LINGO2: variants seen among roughly 807,000 people sequenced by gnomAD.
LINGO2 encodes the protein leucine rich repeat and Ig domain containing 2.
In LINGO2, 14 loss-of-function variants were observed where a neutral mutation model predicts 30.6. The ratio of observed to expected loss-of-function variants is 0.46; its 90% CI spans 0.30 to 0.72. The LOEUF is 0.72. LINGO2 is among the 30% of genes least tolerant of loss of function. The probability of loss-of-function intolerance (pLI) is 0.07; values close to 1 mark genes in which losing one functional copy is unlikely to be tolerated. For synonymous variants in LINGO2, 317 were observed against 288.5 expected (o/e 1.10, Z -1.00); for missense variants, 729 against 751.7 (o/e 0.97, Z 0.35).
At chr9:28,905,957 CAATGGT>C in the LINGO2 span, among the ~76,000 whole-genome samples, 10 of 152,004 alleles carry the variant, frequency 6.6e-5, no homozygotes, top group African/African-American at 2.4e-4. Context: ...TATATATAAA[CAATGGT>C]ATACTTTTAA....
chr9:28,780,149 C>T, the LINGO2 span, among the ~76,000 whole-genome samples: 2 of 151,964 alleles, frequency 1.3e-5, no homozygotes, highest in Non-Finnish European at 2.9e-5. Context: ...TAGAAGTGTT[C>T]AATATAAATT....
the LINGO2 span, among the ~76,000 whole-genome samples, chr9:29,175,917 C>T: frequency 1.2e-3 from 175 of 152,126 alleles, no homozygotes; most frequent in African/African-American, 4.0e-3. Context: ...ACTTATTTTT[C>T]ATGCTTAATT....
intron 3 of LINGO2, among the ~76,000 whole-genome samples, chr9:28,314,670 T>A (rs374738435): frequency 3.3e-5 from 5 of 152,226 alleles, no homozygotes; most frequent in African/African-American, 1.2e-4. Context: ...TTTACATACA[T>A]CAGTGGAAAC....
intron 2 of LINGO2, among the ~76,000 whole-genome samples, chr9:28,438,899 A>G (rs1015895042): frequency 8.5e-6 from 1 of 117,008 alleles, no homozygotes; most frequent in African/African-American, 3.4e-5. Flanking sequence ...ATATATATTT[A>G]TACATTATAT....
At chr9:28,249,482 GAAGA>G (rs1216899717) in intron 4 of LINGO2, among the ~76,000 whole-genome samples, 1 of 152,102 alleles carries the variant, frequency 6.6e-6, no homozygotes, top group Admixed American at 6.6e-5. Context: ...AATAAAAGTA[GAAGA>G]AAGAAAAGCA....
At chr9:28,376,087 CTTTTT>C (rs75147834) in intron 2 of LINGO2, among the ~76,000 whole-genome samples, 2 of 138,744 alleles carry the variant, frequency 1.4e-5, no homozygotes, top group Non-Finnish European at 3.1e-5. Context: ...ACTTTCCTTG[CTTTTT>C]TTTTTTTTTT....
chr9:28,111,175 G>T (rs1826770520), intron 4 of LINGO2, among the ~76,000 whole-genome samples: 1 of 152,218 alleles, frequency 6.6e-6, no homozygotes, highest in Non-Finnish European at 1.5e-5. Context: ...TCATAAGTGG[G>T]AGTCGAATAA....
At chr9:29,152,769 A>G in the LINGO2 span, among the ~76,000 whole-genome samples, 2 of 152,208 alleles carry the variant, frequency 1.3e-5, no homozygotes, top group Non-Finnish European at 2.9e-5. Context: ...GTAATCCTTC[A>G]CATGTACCCC....
chr9:29,057,242 T>C, the LINGO2 span, among the ~76,000 whole-genome samples: 6 of 152,162 alleles, frequency 3.9e-5, no homozygotes, highest in Non-Finnish European at 7.3e-5. Flanking sequence ...CATGTTTCCA[T>C]TTGTTTGTGT....
chr9:28,667,811 G>A (rs1282186661), intron 1 of LINGO2, among the ~76,000 whole-genome samples: 1 of 152,036 alleles, frequency 6.6e-6, no homozygotes, highest in East Asian at 1.9e-4. Flanking sequence ...TCTGTTCTGG[G>A]CAGTTATCCT....
At chr9:28,356,608 A>C (rs1338211326) in intron 3 of LINGO2, among the ~76,000 whole-genome samples, 6 of 152,162 alleles carry the variant, frequency 3.9e-5, no homozygotes, top group Admixed American at 3.9e-4. Context: ...ATCCTAAGCA[A>C]AACGTTTCAG....
intron 3 of LINGO2, among the ~76,000 whole-genome samples, chr9:28,351,677 G>A (rs1334599209): frequency 6.0e-5 from 9 of 150,274 alleles, no homozygotes; most frequent in African/African-American, 2.2e-4. Context: ...TGATACCAAA[G>A]CCAGGCAGAG....
At chr9:28,660,639 G>A (rs1462400133) in intron 1 of LINGO2, among the ~76,000 whole-genome samples, 1 of 151,986 alleles carries the variant, frequency 6.6e-6, no homozygotes, top group Non-Finnish European at 1.5e-5. Flanking sequence ...GTCAGAGAAA[G>A]GGATTGGATT....
chr9:28,497,916 A>C (rs1819707480), intron 1 of LINGO2, among the ~76,000 whole-genome samples: 1 of 152,168 alleles, frequency 6.6e-6, no homozygotes, highest in African/African-American at 2.4e-5. Flanking sequence ...AGTTTGCTGG[A>C]GGTCCATTCC....
the LINGO2 span, among the ~76,000 whole-genome samples, chr9:28,918,612 T>C: frequency 6.6e-6 from 1 of 152,178 alleles, no homozygotes; most frequent in Admixed American, 6.6e-5. Flanking sequence ...ACGTCTCTAA[T>C]GACACAGGAT....
At chr9:28,142,208 T>C (rs1827693253) in intron 4 of LINGO2, among the ~76,000 whole-genome samples, 1 of 150,548 alleles carries the variant, frequency 6.6e-6, no homozygotes, top group African/African-American at 2.4e-5. Flanking sequence ...GCATTAGTAA[T>C]ATATATAGGT....
At chr9:28,367,550 A>C (rs1820725571) in intron 3 of LINGO2, among the ~76,000 whole-genome samples, 1 of 151,714 alleles carries the variant, frequency 6.6e-6, no homozygotes, top group Non-Finnish European at 1.5e-5. Flanking sequence ...AGCATGTGGA[A>C]ATTTGAGAGT....
chr9:28,305,847 T>C lies in LINGO2; in HGVS notation c.-245-10481A>G, dbSNP rs1352522079. Among the ~76,000 whole-genome samples the C allele has an allele frequency of 2.6e-5, 4 of 152,100 alleles. No individual in the cohort carries two copies. In the East Asian group the frequency reaches 7.7e-4, roughly 29 times the overall value. Reference sequence around the variant, plus strand: ...TCATTCATCTGGTCTTTAATTTCTCTGGCTCCTTGTCAAAGTCAGCCACAC... The same window carrying C: ...TCATTCATCTGGTCTTTAATTTCTCCGGCTCCTTGTCAAAGTCAGCCACAC... On this transcript the variant is annotated intron_variant, in intron 3 of 5. Coordinates refer to ENST00000379992, the Ensembl canonical transcript of LINGO2.
chr9:28,271,942 T>C (rs918569928), intron 4 of LINGO2, among the ~76,000 whole-genome samples: 2 of 152,178 alleles, frequency 1.3e-5, no homozygotes, highest in African/African-American at 2.4e-5. Context: ...TCTAAGCACA[T>C]TGAGGTTTGA....
Sources: allele counts gnomAD v4.1 joint callset (sites outside exome capture counted in the v4.1 genomes callset), GRCh38; gene constraint gnomAD v4.1.1; transcripts MANE v1.5; gene names NCBI Gene and HGNC (gene_info 2026-07-23, HGNC 2026-07-21).